Variants in CSMD1 observed in about 807,000 individuals in gnomAD.
CSMD1 encodes CUB and sushi domain-containing protein 1.
Under a neutral mutation model 417.5 loss-of-function variants are expected in CSMD1, and 213 were observed. The observed-to-expected ratio is 0.51, with a 90% CI of 0.46 to 0.57. CSMD1 has a LOEUF of 0.57. Ranked by LOEUF, CSMD1 falls within the 20% of genes least tolerant of loss-of-function variation. CSMD1 has a pLI of 0.00. For synonymous variants in CSMD1, 2,862 were observed against 1,736.8 expected (o/e 1.65, Z -16.11); for missense variants, 6,923 against 4,529.7 (o/e 1.53, Z -15.17).
intron 18 of CSMD1, among the ~76,000 whole-genome samples, chr8:3,379,190 G>C (rs746478855): frequency 2.0e-5 from 3 of 152,138 alleles, no homozygotes; most frequent in African/African-American, 7.2e-5. Flanking sequence ...CAACTTACAA[G>C]GGATGTGAAG....
chr8:4,206,334 T>TC (rs1261813964), intron 3 of CSMD1, among the ~76,000 whole-genome samples: 4 of 152,214 alleles, frequency 2.6e-5, no homozygotes, highest in Admixed American at 6.5e-5. Context: ...CCTGATGCTA[T>TC]CCCTTTCCCC....
intron 26 of CSMD1, among the ~76,000 whole-genome samples, chr8:3,231,474 T>C (rs1798834253): frequency 6.6e-6 from 1 of 152,186 alleles, no homozygotes; most frequent in Non-Finnish European, 1.5e-5. Context: ...TTTTGTTTTG[T>C]AAATTCTGAA....
chr8:3,978,075 G>A (rs750426477), intron 5 of CSMD1, among the ~76,000 whole-genome samples: 3 of 152,184 alleles, frequency 2.0e-5, no homozygotes, highest in Non-Finnish European at 4.4e-5. Flanking sequence ...TGGAGCAACT[G>A]TGAAACTCGG....
chr8:3,054,434 A>T (rs1234609978), intron 49 of CSMD1, among the ~76,000 whole-genome samples: 1 of 152,150 alleles, frequency 6.6e-6, no homozygotes, highest in Non-Finnish European at 1.5e-5. Context: ...CCTGGGCAAC[A>T]TGGTGAAACC....
Position 2,936,857 on chromosome 8 carries a change from T to C in CSMD1, c.*1728A>G, listed in dbSNP as rs983689637. The C allele has an allele frequency of 2.6e-5, 4 of 152,194 alleles. No individual in the cohort carries two copies. The highest frequency in any genetic ancestry group is 4.4e-5 in the Non-Finnish European group (3 of 68,038). 9.4% of individuals were successfully genotyped at this position (152,194 alleles called of 1,614,324 possible). ...TGGAAACCTTCAGTACACCAACAGA[T>C]AAATCAGTCTTAAAGCTAGGTGTCA... is the stretch of plus-strand genomic sequence containing the variant. On this transcript the variant is annotated 3_prime_UTR_variant, in exon 70 of 70. Coordinates refer to ENST00000635120, the MANE Select transcript of CSMD1 (RefSeq NM_033225.6).
chr8:3,076,093 T>G (rs563204924), intron 49 of CSMD1, among the ~76,000 whole-genome samples: 1 of 152,282 alleles, frequency 6.6e-6, no homozygotes, highest in South Asian at 2.1e-4. Flanking sequence ...CTGTTTATTT[T>G]TAAAAGTTTG....
intron 10 of CSMD1, among the ~76,000 whole-genome samples, chr8:3,553,826 G>T (rs1416686520): frequency 6.6e-6 from 1 of 152,152 alleles, no homozygotes; most frequent in Non-Finnish European, 1.5e-5. Flanking sequence ...TATAATATTT[G>T]TATCACTCTT....
At chr8:3,936,874 C>G (rs1344866444) in intron 5 of CSMD1, among the ~76,000 whole-genome samples, 1 of 152,122 alleles carries the variant, frequency 6.6e-6, no homozygotes, top group Non-Finnish European at 1.5e-5. Context: ...CAAGGTAAAA[C>G]AAAACCCTTT....
intron 3 of CSMD1, among the ~76,000 whole-genome samples, chr8:4,110,830 CTTTT>C (rs928661009): frequency 6.6e-6 from 1 of 151,964 alleles, no homozygotes; most frequent in Non-Finnish European, 1.5e-5. Context: ...TCTATTTCTA[CTTTT>C]TTTAAGGAAA....
chr8:4,044,350 T>C (rs1798040683), intron 3 of CSMD1, among the ~76,000 whole-genome samples: 2 of 152,232 alleles, frequency 1.3e-5, no homozygotes, highest in Non-Finnish European at 2.9e-5. Context: ...CAATTCTGTT[T>C]AGTATTTACT....
rs534065531 is a variant in CSMD1 at position 4,950,633 on chromosome 8, T to G, written c.85+43699A>C. ...AGCAAAGTTACTTTTGTGGTAATAT[T>G]TGTCATTGTTTTAAATGGCCAAGGA... On this transcript the variant is annotated intron_variant, in intron 1 of 69. Coordinates refer to ENST00000635120, the MANE Select transcript of CSMD1 (RefSeq NM_033225.6). Among the ~76,000 whole-genome samples, 4 of 152,326 alleles carry G rather than the reference T, an allele frequency of 2.6e-5. No individual in the cohort carries two copies. In the East Asian group the frequency reaches 5.8e-4, roughly 22 times the overall value.
intron 7 of CSMD1, among the ~76,000 whole-genome samples, chr8:3,625,133 T>C (rs370609201): frequency 2.6e-5 from 4 of 152,260 alleles, no homozygotes; most frequent in African/African-American, 9.6e-5. Context: ...AGTAGCTGTT[T>C]TTTCTCTCAT....
chr8:4,651,031 T>A (rs148150577), intron 1 of CSMD1, among the ~76,000 whole-genome samples: 2 of 152,304 alleles, frequency 1.3e-5, no homozygotes, highest in East Asian at 1.9e-4. Context: ...CAATATTCAC[T>A]GATCAAAGCA....
rs137986316 is a variant in CSMD1 at position 4,670,001 on chromosome 8, G to A, written c.86-32443C>T. On this transcript the variant is annotated intron_variant, in intron 1 of 69. Coordinates refer to ENST00000635120, the MANE Select transcript of CSMD1 (RefSeq NM_033225.6). ...CTGAAGATCTATTAACACTAGTGAA[G>A]TGTTGCTCCAGAACAAATGAACTCA... 4.9e-3 allele frequency among the ~76,000 whole-genome samples: 740 copies of A among 152,254 alleles called. 11 individuals are homozygous for A. The highest frequency in any genetic ancestry group is 0.017 in the African/African-American group (705 of 41,560).
intron 1 of CSMD1, among the ~76,000 whole-genome samples, chr8:4,814,506 C>A (rs1269935982): frequency 6.6e-6 from 1 of 152,156 alleles, no homozygotes; most frequent in Non-Finnish European, 1.5e-5. Context: ...CTCGGCCTCC[C>A]AAAGCGCTGG....
chr8:4,819,718 T>C (rs1799412038), intron 1 of CSMD1, among the ~76,000 whole-genome samples: 2 of 152,120 alleles, frequency 1.3e-5, no homozygotes, highest in Admixed American at 1.3e-4. Context: ...TTCTTACAGA[T>C]AAAACCATTG....
At chr8:3,712,253 G>A (rs936383877) in intron 6 of CSMD1, among the ~76,000 whole-genome samples, 1 of 152,100 alleles carries the variant, frequency 6.6e-6, no homozygotes, top group African/African-American at 2.4e-5. Context: ...CCGGTGTCTG[G>A]ACACTTCTCC....
intron 8 of CSMD1, among the ~76,000 whole-genome samples, chr8:3,601,747 G>A (rs1233410725): frequency 2.6e-5 from 4 of 152,180 alleles, no homozygotes; most frequent in African/African-American, 9.7e-5. Flanking sequence ...AACAACCAGT[G>A]CATTGATTTG....
At position 3,786,737 on chromosome 8, in the gene CSMD1, C is replaced by T. The variant is rs116928687; in HGVS notation, c.819-32695G>A. ...AGAGGGTGGAAGCCCATGATCAAGG[C>T]TCTGATGAGAACTTTCTTTCAAGCT... On this transcript the variant is annotated intron_variant, in intron 5 of 69. Transcript: ENST00000635120. 2.2e-3 allele frequency among the ~76,000 whole-genome samples: 328 copies of T among 152,264 alleles called. 1 individual carries two copies. The highest frequency in any genetic ancestry group is 4.4e-3 in the South Asian group (21 of 4,818).
Sources: gnomAD v4.1 joint callset for allele counts (sites outside exome capture counted in the v4.1 genomes callset) on GRCh38, gnomAD v4.1.1 for gene constraint, MANE v1.5 for transcripts, NCBI Gene and HGNC (gene_info 2026-07-23, HGNC 2026-07-21) for gene names.